GALNT7: variants seen among roughly 807,000 people sequenced by gnomAD.
GALNT7 encodes the protein polypeptide N-acetylgalactosaminyltransferase 7.
In GALNT7, 60 loss-of-function variants were observed where a neutral mutation model predicts 82.1. That is an observed-to-expected ratio of 0.73 (90% CI 0.59 to 0.91). The LOEUF (loss-of-function observed/expected upper bound fraction) is 0.91. GALNT7 is among the 40% of genes least tolerant of loss of function. The pLI, the probability that GALNT7 is intolerant of heterozygous loss-of-function variation, is 0.00. For missense variants in GALNT7, 660 were observed against 804.2 expected, an observed-to-expected ratio of 0.82 and a Z score of 2.17; for synonymous variants, 243 against 275.1, an observed-to-expected ratio of 0.88 and a Z score of 1.15.
intron 6 of GALNT7, among the ~76,000 whole-genome samples, chr4:173,300,235 C>G (rs946313966): frequency 6.6e-6 from 1 of 152,070 alleles, no homozygotes; most frequent in African/African-American, 2.4e-5. Flanking sequence ...CCCAGCAACT[C>G]AGGAGACTGA....
intron 1 of GALNT7, among the ~76,000 whole-genome samples, chr4:173,191,920 A>G (rs1732641362): frequency 6.6e-6 from 1 of 152,178 alleles, no homozygotes; most frequent in Non-Finnish European, 1.5e-5. Flanking sequence ...ACTAAGATAT[A>G]ATCTCTGTTC....
At chr4:173,225,854 C>T (rs576220020) in intron 1 of GALNT7, among the ~76,000 whole-genome samples, 1 of 152,342 alleles carries the variant, frequency 6.6e-6, no homozygotes, top group East Asian at 1.9e-4. Context: ...GATGCAACCA[C>T]AACCACTCAG....
chr4:173,169,559 C>T (rs1398772686), intron 1 of GALNT7: 2 of 151,682 alleles, frequency 1.3e-5, no homozygotes, highest in Admixed American at 6.6e-5. Context: ...CCGCCTCCGG[C>T]TCTTACGGAG....
chr4:173,262,645 C>T (rs1735321904), intron 2 of GALNT7, among the ~76,000 whole-genome samples: 1 of 152,178 alleles, frequency 6.6e-6, no homozygotes, highest in Non-Finnish European at 1.5e-5. Context: ...TAACCAATCT[C>T]AGTGACCATA....
At chr4:173,312,416 G>A (rs1379726377) in intron 8 of GALNT7, among the ~76,000 whole-genome samples, 1 of 152,220 alleles carries the variant, frequency 6.6e-6, no homozygotes, top group Non-Finnish European at 1.5e-5. Context: ...AAGCAAGAGA[G>A]AGACCAAGGA....
rs1464988870 is a variant in GALNT7 at position 173,233,837 on chromosome 4, A to G, written c.127-14143A>G. On this transcript the variant is annotated intron_variant, in intron 1 of 11. Transcript: ENST00000265000. ...AAATCTTCAAGCTTTTCCTATTAAA[A>G]ACAAACTAAATTTTCTCATTCCACT... 5.3e-5 allele frequency among the ~76,000 whole-genome samples: 8 copies of G among 152,282 alleles called. No individual in the cohort carries two copies. The East Asian group carries it at 1.5e-3, about 29-fold the overall frequency.
intron 3 of GALNT7, among the ~76,000 whole-genome samples, chr4:173,294,207 T>G (rs1736637141): frequency 6.6e-6 from 1 of 151,478 alleles, no homozygotes; most frequent in African/African-American, 2.4e-5. Context: ...ATCCTCCTAA[T>G]GGAATTCAAA....
intron 2 of GALNT7, among the ~76,000 whole-genome samples, chr4:173,275,247 T>G (rs763195653): frequency 6.6e-6 from 1 of 152,216 alleles, no homozygotes; most frequent in Non-Finnish European, 1.5e-5. Context: ...TAGTAGAGAC[T>G]GCAAGCTGAA....
intron 2 of GALNT7, among the ~76,000 whole-genome samples, chr4:173,251,909 C>T (rs1285174335): frequency 6.6e-6 from 1 of 152,052 alleles, no homozygotes; most frequent in Non-Finnish European, 1.5e-5. Context: ...TAATAAATCC[C>T]AGAAACTTTT....
chr4:173,272,126 A>G (rs765382739), intron 2 of GALNT7, among the ~76,000 whole-genome samples: 1 of 152,024 alleles, frequency 6.6e-6, no homozygotes, highest in Non-Finnish European at 1.5e-5. Flanking sequence ...TGTTTTGTCA[A>G]CTCTGGAGTC....
rs191114800 is a variant in GALNT7, at chr4:173,278,299, C to T, written c.588-13809C>T. On this transcript the variant is annotated intron_variant, in intron 2 of 11. Transcript: ENST00000265000. The stretch of plus-strand genomic sequence containing the variant: ...TATTTGAGTAAAGTGTTCAGATCCC[C>T]GTGGAGAAGAGAAATAAATATAGTT... 2.4e-3 allele frequency among the ~76,000 whole-genome samples: 368 copies of T among 152,138 alleles called. 1 individual carries two copies. Among genetic ancestry groups the T allele is most frequent in the African/African-American group, 8.4e-3 (347 of 41,476 alleles).
intron 1 of GALNT7, among the ~76,000 whole-genome samples, chr4:173,190,730 T>C (rs1329774108): frequency 6.6e-6 from 1 of 152,182 alleles, no homozygotes; most frequent in Non-Finnish European, 1.5e-5. Flanking sequence ...TTCAGTAAGT[T>C]TATTGAACAT....
chr4:173,311,216 T>C (rs1737368878), intron 8 of GALNT7, among the ~76,000 whole-genome samples: 1 of 152,234 alleles, frequency 6.6e-6, no homozygotes, highest in African/African-American at 2.4e-5. Flanking sequence ...GCCCTGTCCA[T>C]CTGAGAAAAC....
intron 1 of GALNT7, among the ~76,000 whole-genome samples, chr4:173,211,413 C>T (rs1733281797): frequency 6.6e-6 from 1 of 152,194 alleles, no homozygotes; most frequent in Non-Finnish European, 1.5e-5. Flanking sequence ...CTACCTATGA[C>T]TAAACACGTC....
Position 173,248,095 on chromosome 4 carries a change from A to T in GALNT7, c.242A>T (p.Asp81Val). ...CCTCATGTTGAAGGAGTAGAAGTGGACTTAGAGTCTATTAGAAGAATAAAC... is the reference window on the plus strand; with the variant it reads ...CCTCATGTTGAAGGAGTAGAAGTGGTCTTAGAGTCTATTAGAAGAATAAAC... ...PWPHVEGVEV[D>V]LESIRRINKA... Residue 81 changes from aspartate to valine, a missense_variant, in exon 2 of 12, where the codon GAC (aspartate) becomes GTC (valine). Transcript: ENST00000265000. The T allele has an allele frequency of 6.2e-7, 1 of 1,613,628 alleles. No homozygotes were observed. The highest frequency in any genetic ancestry group is 8.5e-7 in the Non-Finnish European group (1 of 1,179,602).
chr4:173,196,955 T>A (rs542992590), intron 1 of GALNT7, among the ~76,000 whole-genome samples: 3 of 152,296 alleles, frequency 2.0e-5, no homozygotes, highest in South Asian at 4.2e-4. Flanking sequence ...AAGAACCAGT[T>A]TAATGCATAT....
intron 1 of GALNT7, among the ~76,000 whole-genome samples, chr4:173,212,900 T>G (rs1389705407): frequency 6.6e-6 from 1 of 152,062 alleles, no homozygotes; most frequent in Non-Finnish European, 1.5e-5. Context: ...AAGATCCAAA[T>G]TTTAAAAATA....
intron 2 of GALNT7, among the ~76,000 whole-genome samples, chr4:173,280,446 A>G (rs1317563912): frequency 9.2e-5 from 14 of 152,232 alleles, no homozygotes; most frequent in Non-Finnish European, 1.6e-4. Flanking sequence ...GAAAATCACT[A>G]TGGAAATTCA....
chr4:173,299,152 C>G (rs1234893621), intron 6 of GALNT7, among the ~76,000 whole-genome samples: 1 of 152,136 alleles, frequency 6.6e-6, no homozygotes, highest in Non-Finnish European at 1.5e-5. Context: ...TGTTAGAACT[C>G]TGTTTTGGGA....
Sources: allele counts gnomAD v4.1 joint callset (sites outside exome capture counted in the v4.1 genomes callset), GRCh38; gene constraint gnomAD v4.1.1; transcripts MANE v1.5; gene names NCBI Gene and HGNC (gene_info 2026-07-23, HGNC 2026-07-21).